Variants in GUCA2B observed in about 807,000 individuals in gnomAD.
GUCA2B encodes prepro-uroguanylin.
In GUCA2B, 7 loss-of-function variants were observed where a neutral mutation model predicts 11.1. That is an observed-to-expected ratio of 0.63 (90% confidence interval 0.36 to 1.18). The LOEUF is 1.18. Ranked by LOEUF, GUCA2B falls within the 50% of genes most tolerant of loss-of-function variation. The pLI, the probability that GUCA2B is intolerant of heterozygous loss-of-function variation, is 0.02. For synonymous variants in GUCA2B, 69 were observed against 65.3 expected, an observed-to-expected ratio of 1.06 and a Z score of -0.27; for missense variants, 140 against 142.5, an observed-to-expected ratio of 0.98 and a Z score of 0.09.
rs1333040504 is a variant in GUCA2B at position 42,154,749 on chromosome 1, A to G, written c.160A>G (p.Ser54Gly). ...TGACCTGGAGGCACAGTGGGCACCC[A>G]GCCCCCGCCTGCAGGCCCAGAGCCT... Reference protein sequence around the residue: ...LSDLEAQWAPSPRLQAQSLLP... With the variant: ...LSDLEAQWAPGPRLQAQSLLP... Residue 54 changes from serine to glycine, a missense_variant, in exon 2 of 3, where the codon AGC becomes GGC. Physicochemically the swap from Ser to Gly is moderately conservative, Grantham distance 56. Transcript: ENST00000372581. 2 of 1,613,876 alleles carry G rather than the reference A, an allele frequency of 1.2e-6. No individual in the cohort carries two copies. Among genetic ancestry groups the G allele is most frequent in the African/African-American group, 2.7e-5 (2 of 74,938 alleles).
At chr1:42,154,233 C>T (rs915448164) in intron 1 of GUCA2B, among the ~76,000 whole-genome samples, 1 of 152,082 alleles carries the variant, frequency 6.6e-6, no homozygotes, top group East Asian at 1.9e-4. Flanking sequence ...AAAGTGGGTC[C>T]CAGAGAGGGG....
chr1:42,153,670 T>C (rs1646094675), intron 1 of GUCA2B, 130 bp downstream of exon 1: 1 of 648,390 alleles, frequency 1.5e-6, no homozygotes, highest in Non-Finnish European at 2.7e-6. Flanking sequence ...CCAACACCCA[T>C]CACAGCCCAG....
intron 2 of GUCA2B, 36 bp downstream of exon 2, chr1:42,154,902 T>C (rs1347792027): frequency 1.3e-6 from 2 of 1,529,278 alleles, no homozygotes; most frequent in South Asian, 1.2e-5. Context: ...CCTCGCTCTG[T>C]CTCCTCCCAC....
At position 42,155,613 on chromosome 1, in the gene GUCA2B, C is replaced by T. The variant is rs373994919; in HGVS notation, c.*17C>T. The T allele has an allele frequency of 6.5e-5, 104 of 1,600,240 alleles. No homozygotes were observed. The African/African-American group carries it at 1.3e-3, about 20-fold the overall frequency. On this transcript the variant is annotated 3_prime_UTR_variant, in exon 3 of 3. Coordinates refer to ENST00000372581, the MANE Select transcript of GUCA2B (RefSeq NM_007102.3). ...TGCCTCTGAGATAGCCCTGGGTACC[C>T]TGAGCCCACCAGGGACACCTCGCCC...
rs755139498 is a variant in GUCA2B at position 42,153,556 on chromosome 1, A to C, written c.90+16A>C. 8.2e-6 allele frequency: 13 copies of C among 1,580,902 alleles called. No homozygotes were observed. The highest frequency in any genetic ancestry group is 1.1e-5 in the Non-Finnish European group (13 of 1,152,018). The stretch of plus-strand genomic sequence containing the variant: ...CTACATCCAGGTGAGTCCCTTGGCC[A>C]GCGTTCCCTTTGCCTGAAGGGCCCC... On this transcript the variant is annotated intron_variant, in intron 1 of 2. Transcript: ENST00000372581.
intron 2 of GUCA2B, among the ~76,000 whole-genome samples, 171 bp from the exon 3 acceptor site, chr1:42,155,364 G>A (rs906083862): frequency 6.6e-6 from 1 of 152,210 alleles, no homozygotes; most frequent in African/African-American, 2.4e-5. Context: ...TTGCCCAGTG[G>A]CCGCTAGGAA....
rs149108666 is a variant in GUCA2B, at chr1:42,153,462, G to A, written c.12G>A (p.Arg4=). The A allele has an allele frequency of 2.3e-5, 37 of 1,611,212 alleles. No individual in the cohort carries two copies. In the African/African-American group the frequency reaches 4.9e-4, roughly 22 times the overall value. Reference sequence around the variant, plus strand: ...ACCCAGGGAGCGCGATGGGCTGCAGGGCTGCATCAGGGCTCCTGCCAGGAG... The same window carrying A: ...ACCCAGGGAGCGCGATGGGCTGCAGAGCTGCATCAGGGCTCCTGCCAGGAG... MGC[R]AASGLLPGVA... Residue 4 remains arginine (R), a synonymous_variant, in exon 1 of 3, where the codon AGG becomes AGA. Coordinates refer to ENST00000372581, the MANE Select transcript of GUCA2B (RefSeq NM_007102.3).
intron 2 of GUCA2B, 150 bp downstream of exon 2, chr1:42,155,016 C>G (rs963022118): frequency 1.5e-6 from 1 of 655,164 alleles, no homozygotes; most frequent in Admixed American, 2.9e-5. Flanking sequence ...CAGGACTCCC[C>G]GGTTTGGGCA....
Position 42,155,759 on chromosome 1 carries a change from A to G in GUCA2B, c.*163A>G, listed in dbSNP as rs759190164. On this transcript the variant is annotated 3_prime_UTR_variant, in exon 3 of 3. Transcript: ENST00000372581. ...GCTGGATCTGGTACAAAGCAATCGG[A>G]CATAGAGTTGGAGGGGGAGGCCCCT... The G allele has an allele frequency of 7.5e-6, 5 of 670,622 alleles. No individual in the cohort carries two copies. The highest frequency in any genetic ancestry group is 1.4e-5 in the Non-Finnish European group (5 of 369,314). 41.5% of individuals were successfully genotyped at this position (670,622 alleles called of 1,614,324 possible). A position where few individuals can be genotyped will look rare whatever the true frequency, so the allele number is the denominator to read the frequency against.
At position 42,155,757 on chromosome 1, in the gene GUCA2B, G is replaced by A. The variant is rs534464590; in HGVS notation, c.*161G>A. 8 of 674,780 alleles carry A rather than the reference G, an allele frequency of 1.2e-5. No individual in the cohort carries two copies. The highest frequency in any genetic ancestry group is 4.9e-5 in the South Asian group (3 of 60,616). 41.8% of individuals were successfully genotyped at this position (674,780 alleles called of 1,614,324 possible). ...CAGCTGGATCTGGTACAAAGCAATC[G>A]GACATAGAGTTGGAGGGGGAGGCCC... On this transcript the variant is annotated 3_prime_UTR_variant, in exon 3 of 3. Coordinates refer to ENST00000372581, the MANE Select transcript of GUCA2B (RefSeq NM_007102.3).
At position 42,153,424 on chromosome 1, in the gene GUCA2B, A is replaced by C. The variant is rs1458409007; in HGVS notation, c.-27A>C. ...GGGACACAGATGGGAGACGGTGGAC[A>C]GCGGCAGGGGGAACCCAGGGAGCGC... On this transcript the variant is annotated 5_prime_UTR_variant, in exon 1 of 3. Transcript: ENST00000372581. The C allele has an allele frequency of 2.6e-6, 4 of 1,549,406 alleles. No homozygotes were observed. Among genetic ancestry groups the C allele is most frequent in the Non-Finnish European group, 2.7e-6 (3 of 1,126,048 alleles).
At chr1:42,153,646 G>T (rs773762262) in intron 1 of GUCA2B, 106 bp downstream of exon 1, 1 of 803,320 alleles carries the variant, frequency 1.2e-6, no homozygotes, top group Admixed American at 2.2e-5. Flanking sequence ...GGAGCACGGG[G>T]CCCGGGGCTC....
rs760012698 is a variant in GUCA2B at position 42,154,669 on chromosome 1, CCT to C, written c.91-10_91-9del. ...CTTGACCTGCTCCTATCTCCTCTCC[CCT>C]GTCTGTAGTACCAAGGCTTCCGGGT... is the stretch of plus-strand genomic sequence containing the variant. On this transcript the variant is annotated splice_polypyrimidine_tract_variant and intron_variant, in intron 1 of 2. Coordinates refer to ENST00000372581, the MANE Select transcript of GUCA2B (RefSeq NM_007102.3). 15 of 1,612,356 alleles carry C rather than the reference CCT, an allele frequency of 9.3e-6. No individual in the cohort carries two copies. The highest frequency in any genetic ancestry group is 1.3e-5 in the Non-Finnish European group (15 of 1,178,466).
Position 42,155,608 on chromosome 1 carries a change from G to T in GUCA2B, c.*12G>T. 6.2e-7 allele frequency: 1 copy of T among 1,605,806 alleles called. No homozygotes were observed. Among genetic ancestry groups the T allele is most frequent in the Non-Finnish European group, 8.5e-7 (1 of 1,172,358 alleles). On this transcript the variant is annotated 3_prime_UTR_variant, in exon 3 of 3. Transcript: ENST00000372581. ...CCGGCTGCCTCTGAGATAGCCCTGG[G>T]TACCCTGAGCCCACCAGGGACACCT...
chr1:42,155,772 G>A lies in GUCA2B; in HGVS notation c.*176G>A. The stretch of plus-strand genomic sequence containing the variant: ...CAAAGCAATCGGACATAGAGTTGGA[G>A]GGGGAGGCCCCTGAGGCAGCCCAGC... On this transcript the variant is annotated 3_prime_UTR_variant, in exon 3 of 3. Coordinates refer to ENST00000372581, the MANE Select transcript of GUCA2B (RefSeq NM_007102.3). 3 of 646,058 alleles carry A rather than the reference G, an allele frequency of 4.6e-6. No individual in the cohort carries two copies. The highest frequency in any genetic ancestry group is 8.4e-6 in the Non-Finnish European group (3 of 355,848). The allele number at this position is 646,058 out of a possible 1,614,324, so 40.0% of individuals were successfully genotyped here.
chr1:42,155,602 C>T lies in GUCA2B; in HGVS notation c.*6C>T. 1 of 1,609,658 alleles carries T rather than the reference C, an allele frequency of 6.2e-7. No homozygotes were observed. Among genetic ancestry groups the T allele is most frequent in the South Asian group, 1.1e-5 (1 of 90,988 alleles). On this transcript the variant is annotated 3_prime_UTR_variant, in exon 3 of 3. Transcript: ENST00000372581. ...CGTGTACCGGCTGCCTCTGAGATAG[C>T]CCTGGGTACCCTGAGCCCACCAGGG...
At position 42,155,643 on chromosome 1, in the gene GUCA2B, G is replaced by C; in HGVS notation, c.*47G>C. The C allele has an allele frequency of 1.4e-6, 2 of 1,429,188 alleles. No individual in the cohort carries two copies. The highest frequency in any genetic ancestry group is 2.3e-5 in the South Asian group (2 of 87,486). The allele number at this position is 1,429,188 out of a possible 1,614,324, so 88.5% of individuals were successfully genotyped here. On this transcript the variant is annotated 3_prime_UTR_variant, in exon 3 of 3. Coordinates refer to ENST00000372581, the MANE Select transcript of GUCA2B (RefSeq NM_007102.3). ...CCCACCAGGGACACCTCGCCCTTCA[G>C]CCCACCACCCTGGCAGGCTTCCATC...
intron 1 of GUCA2B, 21 bp from the exon 2 acceptor site, chr1:42,154,659 T>A: frequency 6.2e-7 from 1 of 1,608,918 alleles, no homozygotes; most frequent in Non-Finnish European, 8.5e-7. Flanking sequence ...CCTGCTCCTA[T>A]CTCCTCTCCC....
chr1:42,154,923 C>G (rs2124012867), intron 2 of GUCA2B, 57 bp downstream of exon 2: 1 of 1,389,826 alleles, frequency 7.2e-7, no homozygotes, highest in Non-Finnish European at 1.0e-6. Context: ...GCCCAGGCTC[C>G]TCCACCTGGG....
Sources: gnomAD v4.1 joint callset for allele counts (sites outside exome capture counted in the v4.1 genomes callset) on GRCh38, gnomAD v4.1.1 for gene constraint, MANE v1.5 for transcripts, NCBI Gene and HGNC (gene_info 2026-07-23, HGNC 2026-07-21) for gene names.